Variants in PRG4 observed in about 807,000 individuals in gnomAD.
PRG4 encodes the protein proteoglycan 4.
Under a neutral mutation model 91.2 loss-of-function variants are expected in PRG4, and 61 were observed. The ratio of observed to expected loss-of-function variants is 0.67; its 90% CI spans 0.54 to 0.83. The LOEUF is 0.83. Ranked by LOEUF, PRG4 falls within the 40% of genes least tolerant of loss-of-function variation. PRG4 has a pLI of 0.00. For missense variants in PRG4, 1,564 were observed against 1,714.2 expected (o/e 0.91, Z 1.55); for synonymous variants, 576 against 614.2 (o/e 0.94, Z 0.92).
intron 8 of PRG4, 130 bp downstream of exon 8, chr1:186,310,000 G>A: frequency 1.3e-6 from 1 of 755,360 alleles, no homozygotes; most frequent in Non-Finnish European, 2.4e-6. Flanking sequence ...ACACCTCACA[G>A]GAGAATCCGA....
In PRG4 at chr1:186,312,828, A is replaced by C; in HGVS notation, c.4051A>C (p.Thr1351Pro). 6.2e-7 allele frequency: 1 copy of C among 1,611,504 alleles called. No homozygotes were observed. The highest frequency in any genetic ancestry group is 8.5e-7 in the Non-Finnish European group (1 of 1,177,614). ...GTGGAGAGGACTTCCAAATGTGGTTACCTCAGCTATATCACTGCCCAACAT... is the reference window on the plus strand; with the variant it reads ...GTGGAGAGGACTTCCAAATGTGGTTCCCTCAGCTATATCACTGCCCAACAT... ...ILWRGLPNVV[T>P]SAISLPNIRK... Residue 1351 changes from threonine to proline, a missense_variant, in exon 12 of 13, where the codon ACC (threonine) becomes CCC (proline). By Grantham distance (38) the Thr-to-Pro change is conservative (BLOSUM62 -1). Transcript: ENST00000445192.
rs776403494 is a variant in PRG4 at position 186,308,859 on chromosome 1, AGAC to A, written c.3144_3146del (p.Thr1049del). ...ACAATGCCTAGAGTGAGAAAACCAA[AGAC>A]GACACCAACTCCCCGCAAGATGACA... is the stretch of plus-strand genomic sequence containing the variant. On this transcript the variant is annotated inframe_deletion, in exon 7 of 13. Coordinates refer to ENST00000445192, the MANE Select transcript of PRG4 (RefSeq NM_005807.6). 2.5e-5 allele frequency: 40 copies of A among 1,613,912 alleles called. 1 individual carries two copies. The Middle Eastern group carries it at 1.3e-3, about 53-fold the overall frequency.
chr1:186,313,756 A>T lies in PRG4; in HGVS notation c.4193A>T (p.Lys1398Ile), dbSNP rs779729256. 1.9e-6 allele frequency: 3 copies of T among 1,606,580 alleles called. No homozygotes were observed. The highest frequency in any genetic ancestry group is 2.6e-6 in the Non-Finnish European group (3 of 1,173,258). The change falls in exon 13 of 13, where the codon AAA becomes ATA. Residue 1398 changes from lysine to isoleucine, a missense_variant. Lys to Ile is a moderately radical substitution (Grantham distance 102). Around this residue, in one of 3 missense-constraint regions of PRG4, gnomAD observed 1,079 missense variants for 1,162.2 expected, o/e 0.93. Coordinates refer to ENST00000445192, the MANE Select transcript of PRG4 (RefSeq NM_005807.6). ...ACTCGTTCTGGGCAGACCTTATCCA[A>T]AGTCTGGTACAACTGTCCTTAGACT... Reference protein sequence around the residue: ...ITTRSGQTLSKVWYNCP With the variant: ...ITTRSGQTLSIVWYNCP
At chr1:186,300,062 A>C (rs758434582) in intron 2 of PRG4, 29 bp from the exon 3 acceptor site, 1 of 1,613,550 alleles carries the variant, frequency 6.2e-7, no homozygotes, top group Non-Finnish European at 8.5e-7. Flanking sequence ...TGGTTTGGCC[A>C]TATTTACGCC....
intron 4 of PRG4, among the ~76,000 whole-genome samples, chr1:186,302,632 G>A (rs913887960): frequency 6.6e-6 from 1 of 152,122 alleles, no homozygotes; most frequent in Non-Finnish European, 1.5e-5. Context: ...TTTCTTAACC[G>A]TTCAATGTTT....
At position 186,304,918 on chromosome 1, in the gene PRG4, CAAAGGT is replaced by C; in HGVS notation, c.595_598+2del. The C allele has an allele frequency of 1.2e-6, 2 of 1,612,816 alleles. No homozygotes were observed. Among genetic ancestry groups the C allele is most frequent in the South Asian group, 2.2e-5 (2 of 90,924 alleles). ...CTAATAGAGAATTACAGAAGAAACT[CAAAGGT>C]TTGAGCATTGATAAAGATCAAAGAC... On this transcript the variant is annotated splice_donor_variant and coding_sequence_variant, in exon 6 of 13. Coordinates refer to ENST00000445192, the MANE Select transcript of PRG4 (RefSeq NM_005807.6). LOFTEE classifies it high-confidence loss of function.
chr1:186,310,147 G>GT (rs397807650), intron 8 of PRG4, among the ~76,000 whole-genome samples: 1 of 98,198 alleles, frequency 1.0e-5, no homozygotes, highest in African/African-American at 3.8e-5. Flanking sequence ...GGGGGGGGGG[G>GT]TAGTTAAAAT....
chr1:186,304,643 A>G, intron 5 of PRG4, 151 bp from the exon 6 acceptor site: 1 of 939,980 alleles, frequency 1.1e-6, no homozygotes, highest in Non-Finnish European at 1.6e-6. Context: ...TTTAACTGAC[A>G]GATTAAAAGG....
rs763075569 is a variant in PRG4, at chr1:186,308,321, A to G, written c.2602A>G (p.Thr868Ala). Residue 868 changes from threonine to alanine, a missense_variant, in exon 7 of 13, where the codon ACT becomes GCT. This residue lies in a region of PRG4 where 1,079 missense variants were observed against 1,162.2 expected (regional missense o/e 0.93). Coordinates refer to ENST00000445192, the MANE Select transcript of PRG4 (RefSeq NM_005807.6). ...TCCAACTACCACCAAGGAGCCTACC[A>G]CTATCCACAAAAGCCCTGATGAATC... ...STPTTTKEPT[T>A]IHKSPDESTP... The G allele has an allele frequency of 1.2e-6, 2 of 1,613,986 alleles. No homozygotes were observed. Among genetic ancestry groups the G allele is most frequent in the Admixed American group, 3.3e-5 (2 of 60,032 alleles).
At chr1:186,303,971 C>T (rs897350292) in intron 4 of PRG4, 137 bp from the exon 5 acceptor site, 14 of 861,028 alleles carry the variant, frequency 1.6e-5, no homozygotes, top group South Asian at 2.8e-5. Flanking sequence ...TGGAGTCATT[C>T]GTGTTGAGCT....
intron 6 of PRG4, 36 bp downstream of exon 6, chr1:186,304,958 T>C (rs1472398369): frequency 6.3e-7 from 1 of 1,598,834 alleles, no homozygotes; most frequent in African/African-American, 1.3e-5. Flanking sequence ...ACTGTATCAA[T>C]GCCATATTAA....
intron 2 of PRG4, among the ~76,000 whole-genome samples, chr1:186,299,345 A>G (rs76980671): frequency 0.07 from 10,722 of 152,240 alleles, 1,250 homozygotes; most frequent in African/African-American, 0.24. Context: ...ATCCCCACCA[A>G]TTAAGGAAGA....
rs541345822 is a variant in PRG4 at position 186,310,520 on chromosome 1, T to C, written c.3500-514T>C. On this transcript the variant is annotated intron_variant, in intron 8 of 12. Transcript: ENST00000445192. ...TTTTTTGAGACCGGATCTCCCTCTGTCACCCAGGCTGGAGTAGAGTGGTGC... is the reference window on the plus strand; with the variant it reads ...TTTTTTGAGACCGGATCTCCCTCTGCCACCCAGGCTGGAGTAGAGTGGTGC... Among the ~76,000 whole-genome samples the C allele has an allele frequency of 2.4e-4, 37 of 152,286 alleles. 2 individuals carry two copies. The highest frequency in any genetic ancestry group is 8.4e-4 in the African/African-American group (35 of 41,576).
Position 186,308,574 on chromosome 1 carries a change from AAAT to A in PRG4, c.2858_2860del (p.Ile953del). 1 of 1,613,666 alleles carries A rather than the reference AAAT, an allele frequency of 6.2e-7. No homozygotes were observed. Among genetic ancestry groups the A allele is most frequent in the Admixed American group, 1.7e-5 (1 of 60,014 alleles). ...ACAACAGAAAAAACTACCGAATCCAAAATAACAGCTACAACCACACAAGTAACA... is the reference window on the plus strand; with the variant it reads ...ACAACAGAAAAAACTACCGAATCCAAAACAGCTACAACCACACAAGTAACA... On this transcript the variant is annotated inframe_deletion, in exon 7 of 13. Coordinates refer to ENST00000445192, the MANE Select transcript of PRG4 (RefSeq NM_005807.6).
At position 186,304,110 on chromosome 1, in the gene PRG4, C is replaced by T. The variant is rs1470891893; in HGVS notation, c.322C>T (p.His108Tyr). 1.9e-6 allele frequency: 3 copies of T among 1,614,082 alleles called. No individual in the cohort carries two copies. Among genetic ancestry groups the T allele is most frequent in the Non-Finnish European group, 2.5e-6 (3 of 1,179,936 alleles). ...TGACTTGTCTTACTTGGCCTCAGTG[C>T]ATAATCCCACATCACCACCATCTTC... is the stretch of plus-strand genomic sequence containing the variant. ...PDYESFCAEV[H>Y]NPTSPPSSKK... Residue 108 changes from histidine (H) to tyrosine (Y), a missense_variant and splice_region_variant, in exon 5 of 13, where the codon CAT (histidine) becomes TAT (tyrosine). Transcript: ENST00000445192.
intron 5 of PRG4, 78 bp from the exon 6 acceptor site, chr1:186,304,716 C>A (rs536871811): frequency 1.3e-6 from 2 of 1,518,028 alleles, no homozygotes; most frequent in Admixed American, 1.7e-5. Context: ...AATAGCACTT[C>A]TTGCTGTGTT....
At chr1:186,299,985 G>A (rs1433393343) in intron 2 of PRG4, 106 bp from the exon 3 acceptor site, 115 of 1,370,228 alleles carry the variant, frequency 8.4e-5, no homozygotes, top group Non-Finnish European at 1.0e-4. Flanking sequence ...ACACCTTCTC[G>A]ATCAATAAAA....
chr1:186,305,614 C>T (rs1042002285), intron 6 of PRG4, among the ~76,000 whole-genome samples: 2 of 152,192 alleles, frequency 1.3e-5, no homozygotes, highest in Non-Finnish European at 2.9e-5. Flanking sequence ...CCGAAGCATT[C>T]GCTCTAAATA....
At chr1:186,311,651 ATT>A in intron 10 of PRG4, 55 bp downstream of exon 10, 1 of 1,508,618 alleles carries the variant, frequency 6.6e-7, no homozygotes, top group South Asian at 1.1e-5. Context: ...TACACTCAGC[ATT>A]TTCATTTATT....
Sources: allele counts gnomAD v4.1 joint callset (sites outside exome capture counted in the v4.1 genomes callset), GRCh38; gene constraint gnomAD v4.1.1; regional missense constraint gnomAD v4.1.1; transcripts MANE v1.5; gene names NCBI Gene and HGNC (gene_info 2026-07-23, HGNC 2026-07-21).